The following ATE1 variants were observed in gnomAD, a reference collection of about 807,000 sequenced individuals.
ATE1 encodes arginyl-tRNA--protein transferase 1.
In ATE1, 36 loss-of-function variants were observed where a neutral mutation model predicts 70.5. The observed-to-expected ratio is 0.51, with a 90% CI of 0.39 to 0.67. The LOEUF (loss-of-function observed/expected upper bound fraction) is 0.67, where lower values mean the gene tolerates loss of function less well. Ranked by LOEUF, ATE1 falls within the 30% of genes least tolerant of loss-of-function variation. The pLI, the probability that ATE1 is intolerant of heterozygous loss-of-function variation, is 0.00. For missense variants in ATE1, 593 were observed against 629.5 expected (o/e 0.94, Z 0.62); for synonymous variants, 232 against 219.3 (o/e 1.06, Z -0.51).
rs576282806 is a variant in ATE1 at position 121,830,433 on chromosome 10, T to TGA, written c.1257+6283_1257+6284dup. ...TCCCTTCTGTTTCTCCACCCCACTG[T>TGA]GACACAGCATAGGACCCTCACCAGA... On this transcript the variant is annotated intron_variant, in intron 10 of 11. Transcript: ENST00000224652. Among the ~76,000 whole-genome samples, 36 of 152,282 alleles carry TGA rather than the reference T, an allele frequency of 2.4e-4. No homozygotes were observed. The South Asian group carries it at 7.5e-3, about 32-fold the overall frequency.
At chr10:121,752,651 G>A (rs1944636442) in intron 11 of ATE1, among the ~76,000 whole-genome samples, 1 of 152,166 alleles carries the variant, frequency 6.6e-6, no homozygotes, top group African/African-American at 2.4e-5. Flanking sequence ...TTTGTTGAAA[G>A]GCTGTATCCT....
At chr10:121,755,282 GT>G (rs775966068) in intron 11 of ATE1, among the ~76,000 whole-genome samples, 22 of 152,110 alleles carry the variant, frequency 1.4e-4, no homozygotes, top group Non-Finnish European at 2.5e-4. Context: ...GTCTAGTAAT[GT>G]AAAAAAAAGT....
chr10:121,811,572 T>C (rs924554803), intron 10 of ATE1, among the ~76,000 whole-genome samples: 6 of 152,218 alleles, frequency 3.9e-5, no homozygotes, highest in African/African-American at 1.4e-4. Flanking sequence ...TGTCTGGGAA[T>C]GTGACGTTTC....
rs148230707 is a variant in ATE1 at position 121,852,714 on chromosome 10, AAAAT to A, written c.976-11455_976-11452del. ...CAACACAGCAAGACTCTGTCTCAAA[AAAAT>A]AAATAAATAATAGAAACACAAAGAT... On this transcript the variant is annotated intron_variant, in intron 8 of 11. Coordinates refer to ENST00000224652, the MANE Select transcript of ATE1 (RefSeq NM_001001976.3). 5.6e-3 allele frequency among the ~76,000 whole-genome samples: 857 copies of A among 152,322 alleles called. 7 individuals carry two copies. The highest frequency in any genetic ancestry group is 0.02 in the African/African-American group (821 of 41,550).
chr10:121,806,585 A>G (rs1451030643), intron 10 of ATE1, among the ~76,000 whole-genome samples: 1 of 152,222 alleles, frequency 6.6e-6, no homozygotes, highest in Non-Finnish European at 1.5e-5. Flanking sequence ...ATTTGATGAT[A>G]TTACTGTAAG....
At position 121,857,967 on chromosome 10, in the gene ATE1, T is replaced by C. The variant is rs1455047473; in HGVS notation, c.975+12039A>G. ...TATTTGTCCTTTTGTAATTGGCTTA[T>C]TGCACTTAGCATAATATTGTAAAGG... On this transcript the variant is annotated intron_variant, in intron 8 of 11. Transcript: ENST00000224652. 3.3e-5 allele frequency among the ~76,000 whole-genome samples: 5 copies of C among 152,246 alleles called. No homozygotes were observed. The South Asian group carries it at 6.2e-4, about 19-fold the overall frequency.
intron 9 of ATE1, among the ~76,000 whole-genome samples, chr10:121,839,072 A>G (rs907549233): frequency 6.6e-6 from 1 of 152,106 alleles, no homozygotes; most frequent in Non-Finnish European, 1.5e-5. Context: ...CCTTTTCTAT[A>G]AACTCCGCAA....
intron 10 of ATE1, among the ~76,000 whole-genome samples, chr10:121,823,776 C>A (rs1947897668): frequency 6.6e-6 from 1 of 152,206 alleles, no homozygotes. Flanking sequence ...ATTAAATGTA[C>A]TTGAATTCCC....
intron 7 of ATE1, among the ~76,000 whole-genome samples, chr10:121,892,796 T>G (rs1950625865): frequency 6.6e-6 from 1 of 152,158 alleles, no homozygotes; most frequent in Non-Finnish European, 1.5e-5. Context: ...ATTACTGGCA[T>G]GAGCCATGGC....
chr10:121,751,629 A>G (rs1034013919), intron 11 of ATE1, among the ~76,000 whole-genome samples: 1 of 152,052 alleles, frequency 6.6e-6, no homozygotes, highest in South Asian at 2.1e-4. Flanking sequence ...ATGTCTGTTT[A>G]AATCATTTGC....
chr10:121,803,062 A>G lies in ATE1; in HGVS notation c.1258-12773T>C, dbSNP rs11200167. Among the ~76,000 whole-genome samples the G allele has an allele frequency of 8.7e-3, 1,322 of 152,264 alleles. 25 individuals carry two copies. Among genetic ancestry groups the G allele is most frequent in the East Asian group, 0.04 (205 of 5,174 alleles). On this transcript the variant is annotated intron_variant, in intron 10 of 11. Coordinates refer to ENST00000224652, the MANE Select transcript of ATE1 (RefSeq NM_001001976.3). ...ACAGAGGCCTATTCTAGAACTTAAT[A>G]CAATCTATTGGAGTTGTCTGCTTAT...
intron 10 of ATE1, among the ~76,000 whole-genome samples, chr10:121,810,272 T>C (rs1947266756): frequency 6.6e-6 from 1 of 152,172 alleles, no homozygotes; most frequent in Non-Finnish European, 1.5e-5. Context: ...GTTTTTTGTT[T>C]GTTTGTTTGT....
intron 7 of ATE1, among the ~76,000 whole-genome samples, chr10:121,885,584 A>AC (rs1950368017): frequency 6.6e-6 from 1 of 151,118 alleles, no homozygotes; most frequent in African/African-American, 2.4e-5. Context: ...AAAAAAAAAA[A>AC]AACATGCCTA....
chr10:121,798,750 A>AC (rs1684083438), intron 10 of ATE1, among the ~76,000 whole-genome samples: 1 of 133,986 alleles, frequency 7.5e-6, no homozygotes, highest in South Asian at 2.5e-4. Flanking sequence ...AAATACAAAA[A>AC]TTGTTGGGCG....
At chr10:121,829,448 G>GAA (rs11453366) in intron 10 of ATE1, among the ~76,000 whole-genome samples, 15 of 148,072 alleles carry the variant, frequency 1.0e-4, no homozygotes, top group Non-Finnish European at 1.3e-4. Context: ...AAAAAGGAAA[G>GAA]AAAAAAAAAA....
At chr10:121,838,159 C>G (rs569008476) in intron 9 of ATE1, among the ~76,000 whole-genome samples, 1 of 152,096 alleles carries the variant, frequency 6.6e-6, no homozygotes, top group Non-Finnish European at 1.5e-5. Context: ...CACTCTTACC[C>G]CTCCATAATC....
intron 10 of ATE1, among the ~76,000 whole-genome samples, chr10:121,813,219 C>G (rs963543184): frequency 6.6e-6 from 1 of 152,224 alleles, no homozygotes; most frequent in African/African-American, 2.4e-5. Flanking sequence ...ACCCTAAGGA[C>G]ACCACCTTAG....
chr10:121,789,295 G>GATTT (rs1946336151), intron 11 of ATE1, among the ~76,000 whole-genome samples: 1 of 18,820 alleles, frequency 5.3e-5, no homozygotes, highest in African/African-American at 1.4e-4. Flanking sequence ...CCAGGGCTAT[G>GATTT]CTTTTTTTTT....
chr10:121,877,196 G>A (rs1313482361), intron 7 of ATE1, among the ~76,000 whole-genome samples: 1 of 151,972 alleles, frequency 6.6e-6, no homozygotes, highest in Non-Finnish European at 1.5e-5. Context: ...ATGACCTAAG[G>A]CCTATATGTT....
Sources: gnomAD v4.1 joint callset for allele counts (sites outside exome capture counted in the v4.1 genomes callset) on GRCh38, gnomAD v4.1.1 for gene constraint, MANE v1.5 for transcripts, NCBI Gene and HGNC (gene_info 2026-07-23, HGNC 2026-07-21) for gene names.